WWOX: variants seen among roughly 807,000 people sequenced by gnomAD.
WWOX encodes the protein WW domain-containing oxidoreductase.
In WWOX, 69 loss-of-function variants were observed where a neutral mutation model predicts 46.2. That is an observed-to-expected ratio of 1.49 (90% confidence interval 1.23 to 1.82). The LOEUF is 1.82. WWOX is among the 40% of genes most tolerant of loss of function. WWOX has a pLI of 0.00. For missense variants in WWOX, 919 were observed against 542.6 expected, an observed-to-expected ratio of 1.69 and a Z score of -6.89; for synonymous variants, 359 against 202.6, an observed-to-expected ratio of 1.77 and a Z score of -6.56.
intron 8 of WWOX, among the ~76,000 whole-genome samples, chr16:79,041,846 C>A (rs1244603520): frequency 6.6e-6 from 1 of 152,120 alleles, no homozygotes; most frequent in Non-Finnish European, 1.5e-5. Flanking sequence ...TAATAACTTA[C>A]ATTCAACCTC....
chr16:78,957,831 G>C (rs1187875253), intron 8 of WWOX, among the ~76,000 whole-genome samples: 1 of 152,184 alleles, frequency 6.6e-6, no homozygotes, highest in Non-Finnish European at 1.5e-5. Context: ...TGGTGCGGCT[G>C]GCCCACTTGT....
At chr16:78,649,051 G>A (rs2046907745) in intron 8 of WWOX, among the ~76,000 whole-genome samples, 1 of 152,042 alleles carries the variant, frequency 6.6e-6, no homozygotes, top group Admixed American at 6.6e-5. Flanking sequence ...TTGGCTCACT[G>A]CAAACTCCAC....
At chr16:78,968,170 G>A (rs111854456) in intron 8 of WWOX, among the ~76,000 whole-genome samples, 10 of 149,072 alleles carry the variant, frequency 6.7e-5, no homozygotes, top group Middle Eastern at 3.4e-3. Context: ...GGCACAGCGC[G>A]TGGTCTGCGT....
intron 8 of WWOX, among the ~76,000 whole-genome samples, chr16:78,948,874 C>G (rs569267610): frequency 6.6e-6 from 1 of 152,096 alleles, no homozygotes; most frequent in South Asian, 2.1e-4. Flanking sequence ...CTCACAGGAG[C>G]CCTTCAAAGC....
At chr16:79,068,663 T>C (rs2048487329) in intron 8 of WWOX, among the ~76,000 whole-genome samples, 2 of 151,246 alleles carry the variant, frequency 1.3e-5, no homozygotes, top group South Asian at 2.1e-4. Flanking sequence ...AAAAAAAAAT[T>C]AGCCAGGCGT....
At chr16:78,958,361 A>G (rs2046210144) in intron 8 of WWOX, among the ~76,000 whole-genome samples, 1 of 152,228 alleles carries the variant, frequency 6.6e-6, no homozygotes, top group East Asian at 1.9e-4. Flanking sequence ...GACAAAAAAG[A>G]TGGTACAAAC....
At chr16:78,780,448 A>G in intron 8 of WWOX, 1 of 152,282 alleles carries the variant, frequency 6.6e-6, no homozygotes, top group South Asian at 2.1e-4. Context: ...TAAACAAGTC[A>G]AAAACAAAAA....
chr16:78,210,817 A>G (rs1232359703), intron 5 of WWOX, among the ~76,000 whole-genome samples: 2 of 152,184 alleles, frequency 1.3e-5, no homozygotes, highest in East Asian at 3.9e-4. Flanking sequence ...AAAGTAGCCT[A>G]TCTGTGGTTT....
chr16:78,443,330 T>G (rs1597092918), intron 8 of WWOX, among the ~76,000 whole-genome samples: 1 of 151,772 alleles, frequency 6.6e-6, no homozygotes, highest in Non-Finnish European at 1.5e-5. Context: ...AACCCAAAAC[T>G]ATATGTGCAA....
chr16:78,898,459 G>A (rs180908221), intron 8 of WWOX: 1 of 152,166 alleles, frequency 6.6e-6, no homozygotes, highest in East Asian at 1.9e-4. Context: ...CTATATATGT[G>A]TGGGTGTATT....
At chr16:78,763,985 G>A (rs1403473902) in intron 8 of WWOX, among the ~76,000 whole-genome samples, 1 of 152,164 alleles carries the variant, frequency 6.6e-6, no homozygotes, top group East Asian at 1.9e-4. Flanking sequence ...ATTGTGGGCT[G>A]GGATACATGT....
At chr16:78,783,010 C>G (rs774839010) in intron 8 of WWOX, among the ~76,000 whole-genome samples, 1 of 152,134 alleles carries the variant, frequency 6.6e-6, no homozygotes, top group African/African-American at 2.4e-5. Flanking sequence ...AATACTGAAT[C>G]CTAGTGTGAT....
At chr16:78,489,792 G>A (rs1008323571) in intron 8 of WWOX, among the ~76,000 whole-genome samples, 2 of 152,122 alleles carry the variant, frequency 1.3e-5, no homozygotes, top group African/African-American at 4.8e-5. Context: ...TCTGAAATCT[G>A]GGACCACAGT....
chr16:78,839,906 A>G lies in WWOX; in HGVS notation c.1057-371702A>G, dbSNP rs2052092512. Among the ~76,000 whole-genome samples, 3 of 152,196 alleles carry G rather than the reference A, an allele frequency of 2.0e-5. No individual in the cohort carries two copies. The South Asian group carries it at 6.2e-4, about 31-fold the overall frequency. On this transcript the variant is annotated intron_variant, in intron 8 of 8. Coordinates refer to ENST00000566780, the MANE Select transcript of WWOX (RefSeq NM_016373.4). ...AACTAGCGAAGCCTTCAGGCAGGTA[A>G]GCGCACAAATCCTGCATTTTCTAGT... is the stretch of plus-strand genomic sequence containing the variant.
intron 4 of WWOX, among the ~76,000 whole-genome samples, chr16:78,148,013 G>A (rs934547286): frequency 4.6e-5 from 7 of 151,876 alleles, no homozygotes; most frequent in African/African-American, 1.7e-4. Flanking sequence ...ACCCTGTCTC[G>A]AGCAGACGAG....
intron 8 of WWOX, among the ~76,000 whole-genome samples, chr16:78,867,923 C>G (rs1275390677): frequency 6.6e-6 from 1 of 152,158 alleles, no homozygotes; most frequent in African/African-American, 2.4e-5. Flanking sequence ...CTAGAACTGT[C>G]ATTCACTGCT....
chr16:78,925,260 G>A (rs2151274398), intron 8 of WWOX, among the ~76,000 whole-genome samples: 2 of 152,290 alleles, frequency 1.3e-5, no homozygotes, highest in South Asian at 4.1e-4. Flanking sequence ...GACCAAGGCT[G>A]ATCATTGCTG....
intron 8 of WWOX, among the ~76,000 whole-genome samples, chr16:78,698,475 CTTA>C (rs2048146107): frequency 6.6e-6 from 1 of 152,298 alleles, no homozygotes; most frequent in Non-Finnish European, 1.5e-5. Flanking sequence ...ACTTGCATTT[CTTA>C]TTATTCTGTT....
chr16:78,936,130 C>G (rs1236730156), intron 8 of WWOX, among the ~76,000 whole-genome samples: 2 of 152,000 alleles, frequency 1.3e-5, no homozygotes, highest in Non-Finnish European at 2.9e-5. Flanking sequence ...GAGTTTTGGT[C>G]TGGGAACCGG....
Sources: allele counts gnomAD v4.1 joint callset (sites outside exome capture counted in the v4.1 genomes callset), GRCh38; gene constraint gnomAD v4.1.1; transcripts MANE v1.5; gene names NCBI Gene and HGNC (gene_info 2026-07-23, HGNC 2026-07-21).